Variants in EML1 observed in about 807,000 individuals in gnomAD.
EML1 encodes echinoderm microtubule-associated protein-like 1.
A neutral mutation model predicts 110.4 loss-of-function variants in EML1; 27 were observed. The ratio of observed to expected loss-of-function variants is 0.24; its 90% confidence interval spans 0.18 to 0.34. EML1 has a LOEUF of 0.34. Among genes scored for constraint, EML1 ranks in the 10% least tolerant of loss-of-function variants. The pLI is 1.00. For synonymous variants in EML1, 344 were observed against 385.8 expected, an observed-to-expected ratio of 0.89 and a Z score of 1.27; for missense variants, 741 against 1,030.9, an observed-to-expected ratio of 0.72 and a Z score of 3.85.
chr14:99,864,050 T>C (rs766327542), intron 2 of EML1, among the ~76,000 whole-genome samples: 5 of 152,280 alleles, frequency 3.3e-5, no homozygotes, highest in Non-Finnish European at 5.9e-5. Context: ...TATAGAAGTA[T>C]CGCATTATTG....
At chr14:99,865,689 C>A (rs758300345) in intron 3 of EML1, 43 bp downstream of exon 3, 8 of 1,599,240 alleles carry the variant, frequency 5.0e-6, no homozygotes, top group Non-Finnish European at 6.8e-6. Context: ...CAAAGCAGTT[C>A]TCTCTTAGAT....
intron 1 of EML1, among the ~76,000 whole-genome samples, chr14:99,804,452 C>G (rs2057935647): frequency 6.6e-6 from 1 of 152,164 alleles, no homozygotes; most frequent in Non-Finnish European, 1.5e-5. Flanking sequence ...ATTATTGTCT[C>G]CATTTTGACC....
intron 4 of EML1, among the ~76,000 whole-genome samples, chr14:99,882,452 A>G (rs1166218671): frequency 1.3e-5 from 2 of 152,180 alleles, no homozygotes; most frequent in East Asian, 3.9e-4. Flanking sequence ...TTTCAGCTTT[A>G]CTGAAAGTTG....
At chr14:99,877,764 A>G (rs1437508394) in intron 3 of EML1, among the ~76,000 whole-genome samples, 4 of 152,202 alleles carry the variant, frequency 2.6e-5, no homozygotes, top group African/African-American at 9.6e-5. Flanking sequence ...GTCTGGGGCC[A>G]GGTGCTACTT....
intron 1 of EML1, among the ~76,000 whole-genome samples, chr14:99,803,752 C>T (rs1332858072): frequency 2.6e-5 from 4 of 152,198 alleles, no homozygotes; most frequent in South Asian, 4.1e-4. Flanking sequence ...TGACTTAAAT[C>T]GCCCCCCAAA....
At chr14:99,838,632 T>G (rs1332343478) in intron 1 of EML1, among the ~76,000 whole-genome samples, 1 of 152,128 alleles carries the variant, frequency 6.6e-6, no homozygotes, top group Non-Finnish European at 1.5e-5. Flanking sequence ...AGCTGTAGTT[T>G]TTTTTTTTCT....
At chr14:99,801,864 G>A (rs1460435489) in intron 1 of EML1, among the ~76,000 whole-genome samples, 5 of 152,122 alleles carry the variant, frequency 3.3e-5, no homozygotes, top group East Asian at 3.9e-4. Context: ...TACTCACAGC[G>A]TCCATTATTA....
intron 1 of EML1, 117 bp from the exon 2 acceptor site, chr14:99,850,736 C>T: frequency 9.5e-7 from 1 of 1,047,346 alleles, no homozygotes; most frequent in South Asian, 1.6e-5. Context: ...TATCTGTAGT[C>T]CGTAAGTGTT....
intron 2 of EML1, among the ~76,000 whole-genome samples, chr14:99,863,076 C>T (rs1262190685): frequency 2.0e-4 from 31 of 152,210 alleles, no homozygotes; most frequent in Admixed American, 2.0e-3. Context: ...CCTCCCTCTC[C>T]AACAGTGAGA....
intron 17 of EML1, among the ~76,000 whole-genome samples, chr14:99,925,306 G>A (rs2060214220): frequency 1.3e-5 from 2 of 149,338 alleles, no homozygotes; most frequent in African/African-American, 4.9e-5. Flanking sequence ...TGTCACCTGG[G>A]CTGGTGTACA....
At chr14:99,793,365 A>T (rs1384733682), upstream of EML1, 1 of 989,744 alleles carries the variant, frequency 1.0e-6, no homozygotes, top group Non-Finnish European at 1.2e-6. Flanking sequence ...CAGCCGCCAC[A>T]GCAGGGCCGG....
At chr14:99,919,981 C>T (rs2060103087) in intron 16 of EML1, among the ~76,000 whole-genome samples, 1 of 152,124 alleles carries the variant, frequency 6.6e-6, no homozygotes, top group African/African-American at 2.4e-5. Flanking sequence ...TCCATTTATC[C>T]TTATCCATTT....
intron 1 of EML1, among the ~76,000 whole-genome samples, chr14:99,820,367 G>A (rs971059026): frequency 7.9e-5 from 12 of 152,154 alleles, no homozygotes; most frequent in Admixed American, 5.2e-4. Context: ...ATTGCTCAGC[G>A]GAGAGGAAGC....
chr14:99,884,981 G>A (rs1325676504), intron 4 of EML1, among the ~76,000 whole-genome samples: 2 of 152,192 alleles, frequency 1.3e-5, no homozygotes, highest in African/African-American at 2.4e-5. Context: ...AGATGGTGTC[G>A]TAACTGCCTG....
intron 2 of EML1, among the ~76,000 whole-genome samples, chr14:99,858,310 G>A (rs571258843): frequency 1.1e-4 from 16 of 151,840 alleles, no homozygotes; most frequent in African/African-American, 1.9e-4. Context: ...TCAGCCTCCC[G>A]AGTAGCTGGG....
rs139439995 is a variant in EML1, at chr14:99,752,067, AT to A, written c.28+14208del. ...GGAGGCATCCATCACAGCGCCCCAGATGCCGTTACTCCAGAGACACCGTTAA... is the reference window on the plus strand; with the variant it reads ...GGAGGCATCCATCACAGCGCCCCAGAGCCGTTACTCCAGAGACACCGTTAA... On this transcript the variant is annotated intron_variant, in intron 1 of 10. Coordinates refer to the EML1 transcript ENST00000554479. Among the ~76,000 whole-genome samples the A allele has an allele frequency of 5.3e-3, 814 of 152,256 alleles. 15 individuals carry two copies. Among genetic ancestry groups the A allele is most frequent in the Admixed American group, 0.034 (518 of 15,288 alleles).
intron 13 of EML1, among the ~76,000 whole-genome samples, chr14:99,913,444 T>C (rs2059979844): frequency 6.6e-6 from 1 of 152,166 alleles, no homozygotes; most frequent in Non-Finnish European, 1.5e-5. Flanking sequence ...CCCAAAGTGC[T>C]GGGATTACAG....
chr14:99,868,137 G>A (rs1310235326), intron 3 of EML1, among the ~76,000 whole-genome samples: 2 of 152,118 alleles, frequency 1.3e-5, no homozygotes, highest in African/African-American at 2.4e-5. Flanking sequence ...TTTATGTGTT[G>A]AATCATTCTT....
chr14:99,796,100 T>C (rs551590905), intron 1 of EML1, among the ~76,000 whole-genome samples: 22 of 151,122 alleles, frequency 1.5e-4, no homozygotes, highest in Non-Finnish European at 2.8e-4. Context: ...GATGGGAGGA[T>C]TGATTGAGCC....
Sources: gnomAD v4.1 joint callset for allele counts (sites outside exome capture counted in the v4.1 genomes callset) on GRCh38, gnomAD v4.1.1 for gene constraint, MANE v1.5 for transcripts, NCBI Gene and HGNC (gene_info 2026-07-23, HGNC 2026-07-21) for gene names.